Variants in ARFGEF2 observed in about 807,000 individuals in gnomAD.
ARFGEF2 encodes ARF guanine nucleotide exchange factor 2.
In ARFGEF2, 74 loss-of-function variants were observed where a neutral mutation model predicts 219.9. That is an observed-to-expected ratio of 0.34 (90% CI 0.28 to 0.41). ARFGEF2 has a LOEUF of 0.41. Ranked by LOEUF, ARFGEF2 falls within the 10% of genes least tolerant of loss-of-function variation. ARFGEF2 has a pLI of 1.00. For missense variants in ARFGEF2, 1,743 were observed against 2,218.3 expected (o/e 0.79, Z 4.30); for synonymous variants, 733 against 799.2 (o/e 0.92, Z 1.40).
chr20:48,977,207 C>T (rs1165107159), intron 14 of ARFGEF2, among the ~76,000 whole-genome samples: 1 of 151,382 alleles, frequency 6.6e-6, no homozygotes, highest in Non-Finnish European at 1.5e-5. Flanking sequence ...TTGGTACCCA[C>T]CTATGAGTGA....
intron 3 of ARFGEF2, 77 bp from the exon 4 acceptor site, chr20:48,951,246 T>G: frequency 6.4e-7 from 1 of 1,566,832 alleles, no homozygotes; most frequent in Non-Finnish European, 8.7e-7. Flanking sequence ...GCCTGTCTTT[T>G]GCTCTTGTGG....
chr20:49,013,519 T>C, intron 28 of ARFGEF2, 45 bp from the exon 29 acceptor site: 1 of 1,613,566 alleles, frequency 6.2e-7, no homozygotes, highest in Non-Finnish European at 8.5e-7. Context: ...AGTTCCTTCC[T>C]TTTGCATGCT....
intron 25 of ARFGEF2, among the ~76,000 whole-genome samples, chr20:49,004,362 C>T (rs1256720850): frequency 6.6e-6 from 1 of 151,860 alleles, no homozygotes; most frequent in African/African-American, 2.4e-5. Context: ...GAAAAGAGTT[C>T]TGATTGGCTT....
intron 30 of ARFGEF2, among the ~76,000 whole-genome samples, chr20:49,015,673 C>T (rs2091525413): frequency 6.6e-6 from 1 of 152,220 alleles, no homozygotes; most frequent in Non-Finnish European, 1.5e-5. Context: ...GCCATTTACA[C>T]TTCTGTCAGC....
chr20:49,010,556 GTATTAA>G (rs1341625105), intron 27 of ARFGEF2, 152 bp downstream of exon 27: 2 of 880,942 alleles, frequency 2.3e-6, no homozygotes, highest in Admixed American at 2.1e-5. Flanking sequence ...CGCTTGATGA[GTATTAA>G]TCTTGATCTT....
intron 23 of ARFGEF2, among the ~76,000 whole-genome samples, chr20:48,996,998 C>T (rs1490428445): frequency 1.3e-5 from 2 of 151,962 alleles, no homozygotes; most frequent in Non-Finnish European, 2.9e-5. Context: ...GGACATTGTT[C>T]CATTGTCCAT....
Position 48,995,773 on chromosome 20 carries a change from T to G in ARFGEF2, c.3122-10T>G. The stretch of plus-strand genomic sequence containing the variant: ...TTGAAGTACTGCTGATTTTGTGCAT[T>G]GTGTTTCAGGTAATTTGGTGAGTGG... On this transcript the variant is annotated splice_polypyrimidine_tract_variant and intron_variant, in intron 22 of 38. Coordinates refer to ENST00000371917, the MANE Select transcript of ARFGEF2 (RefSeq NM_006420.3). 6.2e-7 allele frequency: 1 copy of G among 1,613,330 alleles called. No homozygotes were observed. The highest frequency in any genetic ancestry group is 2.2e-5 in the East Asian group (1 of 44,878).
intron 27 of ARFGEF2, among the ~76,000 whole-genome samples, chr20:49,010,979 G>GT (rs1470402365): frequency 6.6e-6 from 1 of 152,140 alleles, no homozygotes; most frequent in Admixed American, 6.6e-5. Context: ...CGAGTGCCAT[G>GT]TTTTTTTACA....
At chr20:49,028,173 G>A (rs1167510895) in intron 36 of ARFGEF2, among the ~76,000 whole-genome samples, 1 of 151,918 alleles carries the variant, frequency 6.6e-6, no homozygotes, top group Non-Finnish European at 1.5e-5. Flanking sequence ...CAGGAGAATC[G>A]CTTGAACCTG....
At chr20:48,977,691 G>T (rs184253461) in intron 14 of ARFGEF2, among the ~76,000 whole-genome samples, 54 of 152,236 alleles carry the variant, frequency 3.5e-4, no homozygotes, top group Non-Finnish European at 5.9e-4. Flanking sequence ...AGATGGTATC[G>T]CATTGTGGTT....
Position 48,971,293 on chromosome 20 carries a change from C to T in ARFGEF2, c.1364C>T (p.Ser455Phe). The T allele has an allele frequency of 6.2e-7, 1 of 1,614,194 alleles. No homozygotes were observed. The highest frequency in any genetic ancestry group is 8.5e-7 in the Non-Finnish European group (1 of 1,180,038). ...TCAGTGCCTGATGTCTTTGAGCTCT[C>T]TCTTGCCATTTTTCTTACTCTTCTT... ...VSSVPDVFELSLAIFLTLLSN... is the reference protein window; with the variant it reads ...VSSVPDVFELFLAIFLTLLSN... Residue 455 changes from serine (S) to phenylalanine (F), a missense_variant, in exon 10 of 39, where the codon TCT (serine) becomes TTT (phenylalanine). Physicochemically the swap from Ser to Phe is radical, Grantham distance 155 (BLOSUM62 -2). Coordinates refer to ENST00000371917, the MANE Select transcript of ARFGEF2 (RefSeq NM_006420.3).
chr20:48,925,722 G>A (rs563614398), intron 1 of ARFGEF2, among the ~76,000 whole-genome samples: 3 of 151,944 alleles, frequency 2.0e-5, no homozygotes, highest in South Asian at 2.1e-4. Context: ...CTGTAGTCCC[G>A]GCTACTTGGG....
rs533212350 is a variant in ARFGEF2 at position 49,016,551 on chromosome 20, A to C, written c.4315+136A>C. On this transcript the variant is annotated intron_variant, in intron 31 of 38. Transcript: ENST00000371917. ...TTAGTTGGTGAAATGTATACGTTTT[A>C]ATTACAGTATAAAAAACAGTGCCCC... 7.2e-4 allele frequency: 730 copies of C among 1,010,692 alleles called. 11 individuals carry two copies. The highest frequency in any genetic ancestry group is 5.9e-3 in the South Asian group (409 of 68,998). The allele number at this position is 1,010,692 out of a possible 1,614,324, so 62.6% of individuals were successfully genotyped here.
rs1056926472 is a variant in ARFGEF2, at chr20:48,921,728, G to A, written c.-162G>A. Among the ~76,000 whole-genome samples the A allele has an allele frequency of 1.3e-5, 2 of 152,052 alleles. No homozygotes were observed. Among genetic ancestry groups the A allele is most frequent in the East Asian group, 1.9e-4 (1 of 5,174 alleles). Reference sequence around the variant, plus strand: ...CGCCAGTCACGTGGTCACGTGACGCGCTCCAACATGGCGGCGCCGTGGGGC... The same window carrying A: ...CGCCAGTCACGTGGTCACGTGACGCACTCCAACATGGCGGCGCCGTGGGGC... On this transcript the variant is annotated 5_prime_UTR_variant, in exon 1 of 39. Transcript: ENST00000371917.
chr20:48,957,596 A>G (rs1405377998), intron 6 of ARFGEF2, among the ~76,000 whole-genome samples: 1 of 152,210 alleles, frequency 6.6e-6, no homozygotes. Context: ...TGATTTAATT[A>G]TCAAACACTT....
At chr20:48,998,910 A>G (rs1012194563) in intron 25 of ARFGEF2, among the ~76,000 whole-genome samples, 1 of 152,142 alleles carries the variant, frequency 6.6e-6, no homozygotes, top group Non-Finnish European at 1.5e-5. Flanking sequence ...TCCGGCACCT[A>G]TTGCCACCAT....
At chr20:48,957,810 C>T (rs1012279715) in intron 6 of ARFGEF2, among the ~76,000 whole-genome samples, 4 of 152,136 alleles carry the variant, frequency 2.6e-5, no homozygotes, top group African/African-American at 9.7e-5. Context: ...TGCTGGTATT[C>T]GGGCTTTCTG....
intron 1 of ARFGEF2, among the ~76,000 whole-genome samples, chr20:48,936,275 G>A (rs1435846973): frequency 2.1e-5 from 3 of 146,178 alleles, no homozygotes; most frequent in African/African-American, 5.1e-5. Flanking sequence ...CCTGCCGGAC[G>A]GGGCGGCTGG....
At chr20:48,988,971 C>A (rs2091342106) in intron 18 of ARFGEF2, among the ~76,000 whole-genome samples, 1 of 151,896 alleles carries the variant, frequency 6.6e-6, no homozygotes, top group South Asian at 2.1e-4. Flanking sequence ...TAGTTATGGC[C>A]CCTGGGGAGC....
Sources: gnomAD v4.1 joint callset for allele counts (sites outside exome capture counted in the v4.1 genomes callset) on GRCh38, gnomAD v4.1.1 for gene constraint, MANE v1.5 for transcripts, NCBI Gene and HGNC (gene_info 2026-07-23, HGNC 2026-07-21) for gene names.